The following SPOCK3 variants were observed in gnomAD, a reference collection of about 807,000 sequenced individuals.
SPOCK3 encodes SPARC (osteonectin), cwcv and kazal like domains proteoglycan 3.
A neutral mutation model predicts 56.6 loss-of-function variants in SPOCK3; 30 were observed. The ratio of observed to expected loss-of-function variants is 0.53; its 90% CI spans 0.40 to 0.72. The LOEUF is 0.72. SPOCK3 is among the 30% of genes least tolerant of loss of function. The pLI is 0.00. For synonymous variants in SPOCK3, 196 were observed against 183.3 expected, an observed-to-expected ratio of 1.07 and a Z score of -0.56; for missense variants, 527 against 530.0, an observed-to-expected ratio of 0.99 and a Z score of 0.06.
intron 4 of SPOCK3, among the ~76,000 whole-genome samples, chr4:166,995,772 A>T (rs1417193528): frequency 6.6e-6 from 1 of 152,090 alleles, no homozygotes; most frequent in Non-Finnish European, 1.5e-5. Flanking sequence ...TGAAATAAAT[A>T]CTGGATTTAA....
intron 2 of SPOCK3, among the ~76,000 whole-genome samples, chr4:167,101,547 T>C (rs886857920): frequency 6.7e-6 from 1 of 150,366 alleles, no homozygotes; most frequent in African/African-American, 2.4e-5. Flanking sequence ...CAATAAGTGC[T>C]ATGATCTATG....
chr4:167,207,625 T>A (rs1338701657), intron 2 of SPOCK3, among the ~76,000 whole-genome samples: 1 of 152,138 alleles, frequency 6.6e-6, no homozygotes, highest in African/African-American at 2.4e-5. Flanking sequence ...TCTTCTAATA[T>A]CTCATTTTAA....
intron 2 of SPOCK3, among the ~76,000 whole-genome samples, chr4:167,105,488 T>C: frequency 1.1e-5 from 1 of 88,562 alleles, no homozygotes; most frequent in South Asian, 3.4e-4. Flanking sequence ...AAACGAATCA[T>C]ACCACCAGAA....
chr4:166,762,898 T>C (rs2054145), intron 7 of SPOCK3, among the ~76,000 whole-genome samples: 50,152 of 151,918 alleles, frequency 0.33, 8,440 homozygotes, highest in Admixed American at 0.42. Context: ...ATGAGCCTTA[T>C]TGAACTGTGG....
Position 166,754,542 on chromosome 4 carries a change from A to G in SPOCK3, c.897T>C (p.Asn299=), listed in dbSNP as rs1736813788. ...CDTYKDSLIS[N]NEWCYCFQRQ... is the part of the protein sequence containing the mutation. The stretch of plus-strand genomic sequence containing the variant: ...TCTGGAAGCAGTAGCACCACTCATT[A>G]TTAGATATTAAACTGTCCTTGTATG... The change falls in exon 8 of 11, where the codon AAT becomes AAC. Residue 299 remains asparagine (N), a synonymous_variant. Transcript: ENST00000357545. The G allele has an allele frequency of 6.2e-7, 1 of 1,613,392 alleles. No homozygotes were observed. Among genetic ancestry groups the G allele is most frequent in the African/African-American group, 1.3e-5 (1 of 74,892 alleles).
intron 2 of SPOCK3, among the ~76,000 whole-genome samples, chr4:167,150,748 C>T (rs987566300): frequency 1.3e-5 from 2 of 152,066 alleles, no homozygotes; most frequent in African/African-American, 2.4e-5. Context: ...TATCTGATTG[C>T]GTCAGCGTGA....
chr4:167,179,011 T>C (rs1389465636), intron 2 of SPOCK3, among the ~76,000 whole-genome samples: 2 of 152,150 alleles, frequency 1.3e-5, no homozygotes, highest in African/African-American at 4.8e-5. Flanking sequence ...AGTTATTTCT[T>C]TTCCAGAATT....
intron 2 of SPOCK3, among the ~76,000 whole-genome samples, chr4:167,095,093 T>C (rs1759034428): frequency 6.6e-6 from 1 of 152,090 alleles, no homozygotes; most frequent in South Asian, 2.1e-4. Flanking sequence ...ACAAACTAGA[T>C]AAGGCCCACC....
chr4:167,010,666 A>T (rs1749948900), intron 3 of SPOCK3, among the ~76,000 whole-genome samples: 2 of 152,156 alleles, frequency 1.3e-5, no homozygotes, highest in African/African-American at 4.8e-5. Context: ...CAACAAAAGG[A>T]TATGCTTCAA....
At chr4:166,967,295 C>T (rs780311341) in intron 4 of SPOCK3, among the ~76,000 whole-genome samples, 8 of 152,176 alleles carry the variant, frequency 5.3e-5, no homozygotes, top group Non-Finnish European at 1.2e-4. Context: ...TATCCAGTGC[C>T]TGAATATGTT....
chr4:167,229,370 A>G (rs1488193505), intron 2 of SPOCK3, among the ~76,000 whole-genome samples: 5 of 152,170 alleles, frequency 3.3e-5, no homozygotes, highest in Non-Finnish European at 5.9e-5. Context: ...AAGTACTGAG[A>G]GAGCATTCCT....
chr4:166,739,581 T>C (rs1200361864), intron 9 of SPOCK3, among the ~76,000 whole-genome samples: 1 of 152,144 alleles, frequency 6.6e-6, no homozygotes, highest in Non-Finnish European at 1.5e-5. Context: ...ACATACTCTA[T>C]GGCACAATGC....
At chr4:166,735,127 A>G (rs12499704) in intron 10 of SPOCK3, 37 bp from the exon 11 acceptor site, 1 of 1,311,726 alleles carries the variant, frequency 7.6e-7, no homozygotes, top group Admixed American at 2.2e-5. Flanking sequence ...CCTTTATTTG[A>G]CTGAATACTG....
At chr4:167,004,199 A>G (rs964529423) in intron 3 of SPOCK3, among the ~76,000 whole-genome samples, 1 of 152,224 alleles carries the variant, frequency 6.6e-6, no homozygotes, top group African/African-American at 2.4e-5. Context: ...ATATGCATAC[A>G]CAGAGAGACA....
intron 3 of SPOCK3, among the ~76,000 whole-genome samples, chr4:167,014,943 A>C (rs1750466507): frequency 6.6e-6 from 1 of 152,030 alleles, no homozygotes; most frequent in Non-Finnish European, 1.5e-5. Context: ...GGAAAAGAAA[A>C]TTACTCTTTT....
intron 4 of SPOCK3, among the ~76,000 whole-genome samples, chr4:166,981,891 T>C (rs936797880): frequency 3.3e-5 from 5 of 152,128 alleles, no homozygotes; most frequent in African/African-American, 9.7e-5. Flanking sequence ...GGGAGGCTGG[T>C]GTGTCAGCAC....
chr4:166,934,553 C>A (rs956953832), intron 4 of SPOCK3, among the ~76,000 whole-genome samples: 1 of 151,966 alleles, frequency 6.6e-6, no homozygotes, highest in Admixed American at 6.6e-5. Context: ...CCAAAGATAC[C>A]CCGTGCCAGT....
chr4:167,219,261 A>C (rs1179295322), intron 2 of SPOCK3, among the ~76,000 whole-genome samples: 1 of 152,184 alleles, frequency 6.6e-6, no homozygotes, highest in East Asian at 1.9e-4. Context: ...ATGCCATGAA[A>C]GGCTATAAAT....
intron 2 of SPOCK3, among the ~76,000 whole-genome samples, chr4:167,223,474 G>T (rs1449459423): frequency 6.6e-6 from 1 of 151,336 alleles, no homozygotes; most frequent in Non-Finnish European, 1.5e-5. Context: ...ACCCAAAACA[G>T]CATTAACAGA....
Sources: allele counts gnomAD v4.1 joint callset (sites outside exome capture counted in the v4.1 genomes callset), GRCh38; gene constraint gnomAD v4.1.1; transcripts MANE v1.5; gene names NCBI Gene and HGNC (gene_info 2026-07-23, HGNC 2026-07-21).